The following CRPPA variants were observed in gnomAD, a reference collection of about 807,000 sequenced individuals.
CRPPA encodes the protein CDP-L-ribitol pyrophosphorylase A.
In CRPPA, 43 loss-of-function variants were observed where a neutral mutation model predicts 52.0. The observed-to-expected ratio is 0.83, with a 90% CI of 0.65 to 1.07. CRPPA has a LOEUF of 1.07. Ranked by LOEUF, CRPPA falls within the 50% of genes least tolerant of loss-of-function variation. The pLI, the probability that CRPPA is intolerant of heterozygous loss-of-function variation, is 0.00. For synonymous variants in CRPPA, 250 were observed against 203.5 expected, an observed-to-expected ratio of 1.23 and a Z score of -1.94; for missense variants, 629 against 551.7, an observed-to-expected ratio of 1.14 and a Z score of -1.40.
At chr7:16,216,940 C>G (rs984387764) in intron 8 of CRPPA, among the ~76,000 whole-genome samples, 4 of 152,044 alleles carry the variant, frequency 2.6e-5, no homozygotes, top group Non-Finnish European at 4.4e-5. Context: ...GAGCCCACCA[C>G]AGCTCAAGGA....
chr7:16,302,958 A>G (rs751855117), intron 4 of CRPPA, among the ~76,000 whole-genome samples: 19 of 152,218 alleles, frequency 1.2e-4, no homozygotes, highest in Admixed American at 3.3e-4. Context: ...TTTAATTAAA[A>G]TAAGGACAAC....
intron 2 of CRPPA, among the ~76,000 whole-genome samples, chr7:16,387,073 A>G (rs1291346731): frequency 7.7e-5 from 5 of 65,096 alleles, no homozygotes; most frequent in African/African-American, 4.3e-4. Flanking sequence ...ATATATATAT[A>G]TATATATATA....
intron 2 of CRPPA, among the ~76,000 whole-genome samples, chr7:16,404,771 C>G (rs1458498378): frequency 6.6e-6 from 1 of 152,090 alleles, no homozygotes; most frequent in Non-Finnish European, 1.5e-5. Context: ...TCTCACCACC[C>G]TTGCAACTGA....
At chr7:16,226,215 T>A (rs1782647652) in intron 8 of CRPPA, among the ~76,000 whole-genome samples, 1 of 151,960 alleles carries the variant, frequency 6.6e-6, no homozygotes, top group Non-Finnish European at 1.5e-5. Context: ...TATATAAGAT[T>A]AACATCTTAT....
chr7:16,131,651 T>C (rs1215433271), intron 9 of CRPPA, among the ~76,000 whole-genome samples: 1 of 152,160 alleles, frequency 6.6e-6, no homozygotes, highest in South Asian at 2.1e-4. Flanking sequence ...AGCACAATCT[T>C]GGCTCACTGC....
At chr7:16,265,430 T>C (rs1175376823) in intron 6 of CRPPA, among the ~76,000 whole-genome samples, 1 of 152,026 alleles carries the variant, frequency 6.6e-6, no homozygotes, top group African/African-American at 2.4e-5. Flanking sequence ...AAGACTGGAG[T>C]CTAACATTCA....
rs191057183 is a variant in CRPPA, at chr7:16,193,248, C to T, written c.1251+22818G>A. Among the ~76,000 whole-genome samples the T allele has an allele frequency of 6.6e-5, 10 of 152,154 alleles. No individual in the cohort carries two copies. The East Asian group carries it at 1.9e-3, about 29-fold the overall frequency. On this transcript the variant is annotated intron_variant, in intron 9 of 9. Transcript: ENST00000407010. ...TACTTTTAAGTATAGAGATCTTGAA[C>T]ATTTCTCTACACTTATATTCCTCTT...
At chr7:16,119,306 T>G (rs1415727427) in intron 9 of CRPPA, among the ~76,000 whole-genome samples, 2 of 151,918 alleles carry the variant, frequency 1.3e-5, no homozygotes, top group Non-Finnish European at 2.9e-5. Context: ...AGAAAGTGGG[T>G]GCTGAATTGA....
At chr7:16,175,427 G>A (rs752800857) in intron 9 of CRPPA, among the ~76,000 whole-genome samples, 1 of 152,084 alleles carries the variant, frequency 6.6e-6, no homozygotes, top group African/African-American at 2.4e-5. Context: ...TTTCAAGGGA[G>A]TGAATATCTA....
chr7:16,270,136 T>C (rs904262298), intron 6 of CRPPA: 6 of 152,180 alleles, frequency 3.9e-5, no homozygotes, highest in Admixed American at 1.3e-4. Context: ...CTTGACTTTA[T>C]GAATACATGC....
chr7:16,202,464 C>T (rs2128393916), intron 9 of CRPPA, among the ~76,000 whole-genome samples: 1 of 152,266 alleles, frequency 6.6e-6, no homozygotes, highest in South Asian at 2.1e-4. Flanking sequence ...ACTCAGCAGT[C>T]ACTGAGGGCC....
chr7:16,336,772 C>A (rs1005886157), intron 3 of CRPPA, among the ~76,000 whole-genome samples: 1 of 151,208 alleles, frequency 6.6e-6, no homozygotes, highest in Non-Finnish European at 1.5e-5. Context: ...GAACACAGAC[C>A]GAAAATGAAA....
intron 6 of CRPPA, among the ~76,000 whole-genome samples, chr7:16,277,717 A>G (rs2128417591): frequency 6.6e-6 from 1 of 152,224 alleles, no homozygotes. Flanking sequence ...CGCTTTTCCA[A>G]TATCATGATT....
chr7:16,282,402 A>C (rs1784337348), intron 5 of CRPPA, among the ~76,000 whole-genome samples: 1 of 152,074 alleles, frequency 6.6e-6, no homozygotes, highest in African/African-American at 2.4e-5. Flanking sequence ...AATTACTATA[A>C]ATTTGGTGGT....
intron 8 of CRPPA, among the ~76,000 whole-genome samples, chr7:16,217,083 G>A (rs1247409678): frequency 1.0e-4 from 15 of 150,584 alleles, no homozygotes; most frequent in African/African-American, 3.4e-4. Flanking sequence ...CCAGCACGCA[G>A]CTGGAGATCT....
At chr7:16,399,303 C>T (rs573678374) in intron 2 of CRPPA, among the ~76,000 whole-genome samples, 35 of 151,676 alleles carry the variant, frequency 2.3e-4, no homozygotes, top group South Asian at 1.2e-3. Flanking sequence ...GTGATCAACA[C>T]GTGTGACACG....
At chr7:16,244,085 G>T (rs1201097124) in intron 8 of CRPPA, among the ~76,000 whole-genome samples, 1 of 152,086 alleles carries the variant, frequency 6.6e-6, no homozygotes, top group African/African-American at 2.4e-5. Context: ...ATTTTAAGAA[G>T]ATAAGACTAT....
intron 9 of CRPPA, among the ~76,000 whole-genome samples, chr7:16,163,801 C>T (rs1780977848): frequency 6.6e-6 from 1 of 152,132 alleles, no homozygotes; most frequent in African/African-American, 2.4e-5. Context: ...TTATGAAATT[C>T]TGGGTTGAAA....
At chr7:16,287,849 G>A (rs1343442639) in intron 5 of CRPPA, among the ~76,000 whole-genome samples, 1 of 145,566 alleles carries the variant, frequency 6.9e-6, no homozygotes, top group African/African-American at 2.5e-5. Context: ...TTGAACCTGG[G>A]AAGCAGAGGT....
Sources: allele counts gnomAD v4.1 joint callset (sites outside exome capture counted in the v4.1 genomes callset), GRCh38; gene constraint gnomAD v4.1.1; transcripts MANE v1.5; gene names NCBI Gene and HGNC (gene_info 2026-07-23, HGNC 2026-07-21).